CAPN8: variants seen among roughly 807,000 people sequenced by gnomAD.
The protein encoded by CAPN8 is calpain 8.
Under a neutral mutation model 80.9 loss-of-function variants are expected in CAPN8, and 87 were observed. The observed-to-expected ratio is 1.07, with a 90% CI of 0.90 to 1.28. CAPN8 has a LOEUF of 1.28. CAPN8 is among the 50% of genes most tolerant of loss of function. The probability of loss-of-function intolerance (pLI) is 0.00; values close to 1 mark genes in which losing one functional copy is unlikely to be tolerated. For synonymous variants in CAPN8, 299 were observed against 273.8 expected (o/e 1.09, Z -0.91); for missense variants, 757 against 702.0 (o/e 1.08, Z -0.89).
At chr1:223,664,909 C>T (rs546108772) in intron 1 of CAPN8, among the ~76,000 whole-genome samples, 84 of 152,206 alleles carry the variant, frequency 5.5e-4, no homozygotes, top group African/African-American at 2.0e-3. Flanking sequence ...CACTGCACTC[C>T]AGTCTGGGTG....
At chr1:223,625,677 T>A (rs1036554366) in intron 6 of CAPN8, 128 bp downstream of exon 6, 1 of 707,720 alleles carries the variant, frequency 1.4e-6, no homozygotes, top group East Asian at 2.9e-5. Context: ...CATCCCAATA[T>A]GGCAGTGAAG....
intron 8 of CAPN8, 23 bp from the exon 9 acceptor site, chr1:223,619,476 C>T: frequency 6.4e-7 from 1 of 1,551,174 alleles, no homozygotes; most frequent in African/African-American, 1.4e-5. Flanking sequence ...CACCAGAGGG[C>T]TCTCAGTGAA....
chr1:223,649,671 A>G (rs1038255198), intron 2 of CAPN8, among the ~76,000 whole-genome samples: 3 of 152,244 alleles, frequency 2.0e-5, no homozygotes, highest in African/African-American at 7.2e-5. Context: ...TTAATTGCCA[A>G]AAGTGATACT....
chr1:223,549,958 C>A lies in CAPN8; in HGVS notation c.1700-576G>T, dbSNP rs568564429. ...TTATATGATTTGCTCAAGGTCACAA[C>A]CAGTAGGGGGCAAAGCTAGGAGTTA... On this transcript the variant is annotated intron_variant, in intron 15 of 20. Transcript: ENST00000366872. Among the ~76,000 whole-genome samples the A allele has an allele frequency of 3.9e-5, 6 of 152,300 alleles. No homozygotes were observed. In the East Asian group the frequency reaches 7.7e-4, roughly 20 times the overall value.
chr1:223,645,457 A>G (rs1363830792), intron 2 of CAPN8, among the ~76,000 whole-genome samples: 3 of 152,204 alleles, frequency 2.0e-5, no homozygotes, highest in African/African-American at 7.2e-5. Context: ...GATACCCAAG[A>G]TCCAGCAGAG....
intron 16 of CAPN8, among the ~76,000 whole-genome samples, chr1:223,547,079 A>G (rs1178785421): frequency 6.6e-6 from 1 of 152,036 alleles, no homozygotes; most frequent in African/African-American, 2.4e-5. Context: ...ACGCCTGGCT[A>G]ATTTTTGTAT....
intron 2 of CAPN8, among the ~76,000 whole-genome samples, chr1:223,646,891 C>G (rs1184796757): frequency 6.6e-6 from 1 of 152,156 alleles, no homozygotes; most frequent in Non-Finnish European, 1.5e-5. Context: ...AGAACAGATT[C>G]ATTTTAACAA....
intron 11 of CAPN8, among the ~76,000 whole-genome samples, chr1:223,610,276 T>TA: frequency 6.6e-6 from 1 of 152,234 alleles, no homozygotes; most frequent in South Asian, 2.1e-4. Flanking sequence ...CTCTTTGGAT[T>TA]ACAGATCTGC....
chr1:223,627,288 A>G, intron 4 of CAPN8, 131 bp from the exon 5 acceptor site: 2 of 1,045,100 alleles, frequency 1.9e-6, no homozygotes, highest in Non-Finnish European at 1.4e-6. Flanking sequence ...TATTTTGCCT[A>G]TGGGCCAGGA....
chr1:223,615,977 A>T lies in CAPN8; in HGVS notation c.1304T>A (p.Val435Asp), dbSNP rs1467290810. 57 of 1,552,104 alleles carry T rather than the reference A, an allele frequency of 3.7e-5. No individual in the cohort carries two copies. The highest frequency in any genetic ancestry group is 4.8e-5 in the Non-Finnish European group (55 of 1,147,102). The change falls in exon 10 of 21, where the codon GTC (valine) becomes GAC (aspartate). Residue 435 changes from valine (V) to aspartate (D), a missense_variant. By Grantham distance (152) the Val-to-Asp change is radical. Coordinates refer to ENST00000366872, the MANE Select transcript of CAPN8 (RefSeq NM_001143962.2). ...AACCCAGCACAGCAGTACCTGGTAG[A>T]CGGCATAGCCGATGCTAAGCATGCC... Reference protein sequence around the residue: ...GQGMLSIGYAVYQVPKELESH... With the variant: ...GQGMLSIGYADYQVPKELESH...
intron 6 of CAPN8, among the ~76,000 whole-genome samples, chr1:223,624,046 A>G (rs566381641): frequency 1.3e-5 from 2 of 152,088 alleles, no homozygotes; most frequent in East Asian, 3.9e-4. Context: ...AAACACAAAC[A>G]CATGTAAAGA....
chr1:223,546,885 G>GGTTGTTGTT (rs66949236), intron 16 of CAPN8, among the ~76,000 whole-genome samples: 55 of 150,020 alleles, frequency 3.7e-4, no homozygotes, highest in African/African-American at 7.9e-4. Flanking sequence ...TTTGTTTTGT[G>GGTTGTTGTT]GTTGTTGTTG....
rs368829130 is a variant in CAPN8 at position 223,621,051 on chromosome 1, A to G, written c.900-785T>C. 6.3e-4 allele frequency among the ~76,000 whole-genome samples: 95 copies of G among 151,824 alleles called. 1 individual carries two copies. The South Asian group carries it at 0.02, about 32-fold the overall frequency. ...CAGCATAAGAGCTGGGGCACACTCCAGCGCAGCCTCTTCCTCCAAGCCAGG... is the reference window on the plus strand; with the variant it reads ...CAGCATAAGAGCTGGGGCACACTCCGGCGCAGCCTCTTCCTCCAAGCCAGG... On this transcript the variant is annotated intron_variant, in intron 7 of 20. Coordinates refer to ENST00000366872, the MANE Select transcript of CAPN8 (RefSeq NM_001143962.2).
chr1:223,618,737 G>A (rs1053311785), intron 9 of CAPN8, among the ~76,000 whole-genome samples: 1 of 152,232 alleles, frequency 6.6e-6, no homozygotes, highest in African/African-American at 2.4e-5. Context: ...GCAGGTGGGT[G>A]AAGCAGGGAT....
chr1:223,613,817 C>T (rs1657096975), intron 10 of CAPN8, among the ~76,000 whole-genome samples: 1 of 152,202 alleles, frequency 6.6e-6, no homozygotes, highest in African/African-American at 2.4e-5. Context: ...GAGAATATGG[C>T]ACCCACTCCC....
chr1:223,619,581 T>C, intron 8 of CAPN8, 128 bp from the exon 9 acceptor site: 2 of 863,920 alleles, frequency 2.3e-6, no homozygotes, highest in Non-Finnish European at 3.5e-6. Flanking sequence ...TGATCTTTCC[T>C]ACAGCACACT....
intron 2 of CAPN8, among the ~76,000 whole-genome samples, chr1:223,649,103 TC>T (rs1658271451): frequency 6.6e-6 from 1 of 152,220 alleles, no homozygotes; most frequent in Non-Finnish European, 1.5e-5. Flanking sequence ...AGTATCTTGC[TC>T]CCCATTCCTG....
At chr1:223,542,857 G>A (rs973313822) in intron 20 of CAPN8, among the ~76,000 whole-genome samples, 4 of 152,044 alleles carry the variant, frequency 2.6e-5, no homozygotes, top group African/African-American at 9.7e-5. Context: ...ATTAACAAGG[G>A]CTTGCATCTC....
chr1:223,630,153 C>T (rs1210080069), intron 2 of CAPN8, among the ~76,000 whole-genome samples: 2 of 152,072 alleles, frequency 1.3e-5, no homozygotes, highest in Non-Finnish European at 1.5e-5. Context: ...GCTCCATCAC[C>T]AGGTCATCCT....
Sources: allele counts gnomAD v4.1 joint callset (sites outside exome capture counted in the v4.1 genomes callset), GRCh38; gene constraint gnomAD v4.1.1; transcripts MANE v1.5; gene names NCBI Gene and HGNC (gene_info 2026-07-23, HGNC 2026-07-21).